RAPGEF2: variants seen among roughly 807,000 people sequenced by gnomAD.
RAPGEF2 encodes Rap guanine nucleotide exchange factor 2.
A neutral mutation model predicts 186.7 loss-of-function variants in RAPGEF2; 54 were observed. The ratio of observed to expected loss-of-function variants is 0.29; its 90% CI spans 0.23 to 0.36. RAPGEF2 has a LOEUF of 0.36. RAPGEF2 is among the 10% of genes least tolerant of loss of function. RAPGEF2 has a pLI of 1.00. For synonymous variants in RAPGEF2, 712 were observed against 705.9 expected, an observed-to-expected ratio of 1.01 and a Z score of -0.14; for missense variants, 1,532 against 2,045.0, an observed-to-expected ratio of 0.75 and a Z score of 4.84.
At chr4:159,124,384 C>A (rs752398805) in intron 1 of RAPGEF2, among the ~76,000 whole-genome samples, 1 of 151,306 alleles carries the variant, frequency 6.6e-6, no homozygotes, top group Non-Finnish European at 1.5e-5. Flanking sequence ...ACCAAAAATA[C>A]AAAAATTAGC....
intron 7 of RAPGEF2, among the ~76,000 whole-genome samples, chr4:159,295,761 G>T (rs1407315447): frequency 1.7e-5 from 2 of 120,138 alleles, no homozygotes; most frequent in Non-Finnish European, 3.3e-5. Flanking sequence ...GTGTGCGCGC[G>T]CGCGCGCGCG....
chr4:159,249,966 G>A (rs1475072617), intron 7 of RAPGEF2, among the ~76,000 whole-genome samples: 1 of 152,014 alleles, frequency 6.6e-6, no homozygotes, highest in East Asian at 1.9e-4. Context: ...AGCATCCTTT[G>A]TGGTAATTAA....
chr4:159,181,665 A>G (rs570123885), intron 1 of RAPGEF2, among the ~76,000 whole-genome samples: 1 of 145,536 alleles, frequency 6.9e-6, no homozygotes, highest in Non-Finnish European at 1.5e-5. Flanking sequence ...CCTCCTGAGT[A>G]GCTGGAACTA....
chr4:159,193,932 T>TTC (rs1205428038), intron 3 of RAPGEF2, among the ~76,000 whole-genome samples: 1 of 152,210 alleles, frequency 6.6e-6, no homozygotes, highest in Non-Finnish European at 1.5e-5. Context: ...AAGTCCCAGC[T>TTC]TCTGCCTTTA....
At chr4:159,178,455 C>T (rs908584987) in intron 1 of RAPGEF2, among the ~76,000 whole-genome samples, 12 of 151,210 alleles carry the variant, frequency 7.9e-5, no homozygotes, top group African/African-American at 2.4e-4. Flanking sequence ...CTATGAAGCC[C>T]GTTATATATT....
chr4:159,109,859 C>T (rs895039552), intron 1 of RAPGEF2, among the ~76,000 whole-genome samples: 4 of 152,130 alleles, frequency 2.6e-5, no homozygotes, highest in Non-Finnish European at 5.9e-5. Context: ...GTGCTGGGAA[C>T]CAGGGGACTG....
At chr4:159,185,193 T>G (rs971899060) in intron 1 of RAPGEF2, among the ~76,000 whole-genome samples, 2 of 152,152 alleles carry the variant, frequency 1.3e-5, no homozygotes, top group Non-Finnish European at 2.9e-5. Flanking sequence ...TATAGAGAGC[T>G]TGGAATCCTC....
intron 7 of RAPGEF2, among the ~76,000 whole-genome samples, chr4:159,295,148 G>C (rs1028982122): frequency 2.0e-5 from 3 of 152,162 alleles, no homozygotes; most frequent in African/African-American, 7.2e-5. Context: ...TTAACATTAA[G>C]AGAAAATATA....
chr4:159,257,004 G>A (rs775635048), intron 7 of RAPGEF2, among the ~76,000 whole-genome samples: 1 of 152,126 alleles, frequency 6.6e-6, no homozygotes, highest in Non-Finnish European at 1.5e-5. Flanking sequence ...TATTCACTCT[G>A]ATGATAGTCT....
At chr4:159,250,930 C>T (rs774846144) in intron 7 of RAPGEF2, among the ~76,000 whole-genome samples, 3 of 152,110 alleles carry the variant, frequency 2.0e-5, no homozygotes, top group African/African-American at 7.2e-5. Flanking sequence ...GAGGGAGATG[C>T]GCAGGTGGGA....
At position 159,359,468 on chromosome 4, in the gene RAPGEF2, T is replaced by G. The variant is rs1466378343; in HGVS notation, c.*1329T>G. On this transcript the variant is annotated 3_prime_UTR_variant, in exon 30 of 30. Transcript: ENST00000691494. ...GCTATTAACCCTATAATGACTGAAA[T>G]GACCCCTCCACTCTATTTTTGTGTT... is the stretch of plus-strand genomic sequence containing the variant. 1 of 152,184 alleles carries G rather than the reference T, an allele frequency of 6.6e-6. No homozygotes were observed. Among genetic ancestry groups the G allele is most frequent in the South Asian group, 2.1e-4 (1 of 4,830 alleles). The allele number at this position is 152,184 out of a possible 1,614,324, so 9.4% of individuals were successfully genotyped here. A position where few individuals can be genotyped will look rare whatever the true frequency, so the allele number is the denominator to read the frequency against.
At chr4:159,290,020 A>G (rs1387985827) in intron 7 of RAPGEF2, among the ~76,000 whole-genome samples, 2 of 152,212 alleles carry the variant, frequency 1.3e-5, no homozygotes, top group African/African-American at 4.8e-5. Flanking sequence ...AGAAGCCACT[A>G]AAACATTTTA....
intron 4 of RAPGEF2, among the ~76,000 whole-genome samples, chr4:159,228,936 T>G (rs921078733): frequency 7.2e-5 from 11 of 152,354 alleles, no homozygotes; most frequent in African/African-American, 2.6e-4. Context: ...GCATCAGCAG[T>G]TACTTGTTAG....
chr4:159,156,282 TTG>T (rs1744107758), intron 1 of RAPGEF2, among the ~76,000 whole-genome samples: 1 of 152,208 alleles, frequency 6.6e-6, no homozygotes, highest in African/African-American at 2.4e-5. Context: ...GCACTTGAAA[TTG>T]TTTTATATAT....
At chr4:159,162,031 A>G (rs1443692868) in intron 1 of RAPGEF2, among the ~76,000 whole-genome samples, 1 of 152,212 alleles carries the variant, frequency 6.6e-6, no homozygotes, top group Non-Finnish European at 1.5e-5. Flanking sequence ...CTGTAAAGTA[A>G]ACCGTAAATT....
In RAPGEF2 at chr4:159,345,307, G is replaced by A. The variant is rs773947333; in HGVS notation, c.3480G>A (p.Gln1160=). Residue 1160 remains glutamine (Q), a synonymous_variant, in exon 24 of 30, where the codon CAG becomes CAA. Coordinates refer to ENST00000691494, the MANE Select transcript of RAPGEF2 (RefSeq NM_001394067.2). ...AGAGTCTTCAGACATTATCTCTGCA[G>A]TGTGAGCCAGCAACCAACACATGTG... ...DEESLQTLSL[Q]CEPATNTLPK... 2 of 1,614,126 alleles carry A rather than the reference G, an allele frequency of 1.2e-6. No individual in the cohort carries two copies. Among genetic ancestry groups the A allele is most frequent in the South Asian group, 1.1e-5 (1 of 91,086 alleles).
intron 7 of RAPGEF2, among the ~76,000 whole-genome samples, chr4:159,280,080 C>T (rs1759485567): frequency 6.6e-6 from 1 of 152,144 alleles, no homozygotes; most frequent in Non-Finnish European, 1.5e-5. Context: ...AGAGGTCTTT[C>T]ATGTTATCCT....
intron 7 of RAPGEF2, among the ~76,000 whole-genome samples, chr4:159,297,532 AT>A (rs1762167084): frequency 6.6e-6 from 1 of 152,238 alleles, no homozygotes; most frequent in South Asian, 2.1e-4. Flanking sequence ...TAAGCATATC[AT>A]GAAAATGAAG....
intron 1 of RAPGEF2, among the ~76,000 whole-genome samples, chr4:159,141,012 A>T (rs1200918970): frequency 6.6e-6 from 1 of 151,990 alleles, no homozygotes; most frequent in Non-Finnish European, 1.5e-5. Context: ...TTGTATTTTC[A>T]GTAGAGACGG....
Sources: gnomAD v4.1 joint callset for allele counts (sites outside exome capture counted in the v4.1 genomes callset) on GRCh38, gnomAD v4.1.1 for gene constraint, MANE v1.5 for transcripts, NCBI Gene and HGNC (gene_info 2026-07-23, HGNC 2026-07-21) for gene names.